Variants in LNPK observed in about 807,000 individuals in gnomAD.
LNPK encodes endoplasmic reticulum junction formation protein lunapark.
A neutral mutation model predicts 55.2 loss-of-function variants in LNPK; 29 were observed. The ratio of observed to expected loss-of-function variants is 0.53; its 90% confidence interval spans 0.39 to 0.72. The LOEUF is 0.72. Ranked by LOEUF, LNPK falls within the 30% of genes least tolerant of loss-of-function variation. The probability of loss-of-function intolerance (pLI) is 0.00; values close to 1 mark genes in which losing one functional copy is unlikely to be tolerated. For synonymous variants in LNPK, 162 were observed against 168.2 expected (o/e 0.96, Z 0.29); for missense variants, 467 against 494.8 (o/e 0.94, Z 0.53).
intron 8 of LNPK, among the ~76,000 whole-genome samples, chr2:175,960,134 A>T (rs1037384039): frequency 6.6e-6 from 1 of 152,178 alleles, no homozygotes; most frequent in Non-Finnish European, 1.5e-5. Context: ...CCCACTGTCA[A>T]TATTAGACAG....
chr2:175,938,701 T>G (rs62186998), intron 10 of LNPK: 12,794 of 171,454 alleles, frequency 0.075, 512 homozygotes, highest in South Asian at 0.1. Flanking sequence ...TTTCCCAGAG[T>G]ATAGTGCTGG....
chr2:175,984,181 C>T (rs1203213485), intron 4 of LNPK, among the ~76,000 whole-genome samples: 2 of 146,368 alleles, frequency 1.4e-5, no homozygotes, highest in African/African-American at 5.0e-5. Flanking sequence ...CAACAAAGAA[C>T]TTTTTTTTTT....
intron 8 of LNPK, among the ~76,000 whole-genome samples, chr2:175,953,564 C>T (rs560822421): frequency 2.6e-5 from 4 of 152,108 alleles, no homozygotes; most frequent in Admixed American, 2.0e-4. Flanking sequence ...TTCCTCCCAC[C>T]CCCAACCCCT....
At chr2:175,977,562 G>A (rs1686967250) in intron 5 of LNPK, among the ~76,000 whole-genome samples, 1 of 152,142 alleles carries the variant, frequency 6.6e-6, no homozygotes. Context: ...TTCAGAAAAA[G>A]AGTGAATAAC....
chr2:175,982,795 T>C (rs1687233126), intron 4 of LNPK, among the ~76,000 whole-genome samples: 1 of 152,206 alleles, frequency 6.6e-6, no homozygotes, highest in South Asian at 2.1e-4. Flanking sequence ...TAATTAAAAA[T>C]AATGTATTAA....
In LNPK at chr2:175,929,439, A is replaced by T; in HGVS notation, c.*528T>A. On this transcript the variant is annotated 3_prime_UTR_variant, in exon 13 of 13. Transcript: ENST00000272748. ...CACTGCATTCTTATTGAGAATTCGT[A>T]CCAGTGCCTATGTGGTAACAACTTT... 1.0e-6 allele frequency: 1 copy of T among 986,250 alleles called. No individual in the cohort carries two copies. The highest frequency in any genetic ancestry group is 1.2e-6 in the Non-Finnish European group (1 of 830,242). The allele number at this position is 986,250 out of a possible 1,614,324, so 61.1% of individuals were successfully genotyped here. A position where few individuals can be genotyped will look rare whatever the true frequency, so the allele number is the denominator to read the frequency against.
intron 6 of LNPK, 53 bp downstream of exon 6, chr2:175,970,711 A>G: frequency 2.1e-6 from 2 of 973,232 alleles, no homozygotes; most frequent in East Asian, 3.5e-5. Context: ...AACATTAATT[A>G]TTCAGTTCTT....
At chr2:175,967,951 C>T (rs553234343) in intron 6 of LNPK, among the ~76,000 whole-genome samples, 3 of 152,280 alleles carry the variant, frequency 2.0e-5, no homozygotes, top group African/African-American at 7.2e-5. Flanking sequence ...GCTTCCAAAA[C>T]TTATTTCATG....
At chr2:175,966,300 G>C (rs1288797186) in intron 6 of LNPK, among the ~76,000 whole-genome samples, 1 of 152,220 alleles carries the variant, frequency 6.6e-6, no homozygotes, top group East Asian at 1.9e-4. Context: ...TTGGCCTCAA[G>C]TGATCCACAT....
At chr2:175,958,575 T>G (rs1685819933) in intron 8 of LNPK, among the ~76,000 whole-genome samples, 1 of 152,144 alleles carries the variant, frequency 6.6e-6, no homozygotes, top group Non-Finnish European at 1.5e-5. Flanking sequence ...GTCACCATCA[T>G]CAAATACCAA....
intron 8 of LNPK, among the ~76,000 whole-genome samples, chr2:175,957,604 A>G (rs550917603): frequency 6.6e-6 from 1 of 152,168 alleles, no homozygotes; most frequent in South Asian, 2.1e-4. Context: ...AGATGCCCGA[A>G]TAGGAACAGC....
chr2:175,977,881 C>T (rs1686986225), intron 5 of LNPK, among the ~76,000 whole-genome samples: 1 of 151,824 alleles, frequency 6.6e-6, no homozygotes, highest in Non-Finnish European at 1.5e-5. Flanking sequence ...GAATTATATG[C>T]CAATAGGAAT....
At chr2:175,951,605 A>ATATATATATATATATATATCTATATC (rs1441190050) in intron 8 of LNPK, among the ~76,000 whole-genome samples, 5 of 129,720 alleles carry the variant, frequency 3.9e-5, no homozygotes, top group African/African-American at 1.5e-4. Context: ...ATATATATAT[A>ATATATATATATATATATATCTATATC]TATATCTCAG....
chr2:175,979,019 TA>T (rs1213825507), intron 5 of LNPK, among the ~76,000 whole-genome samples: 2 of 152,124 alleles, frequency 1.3e-5, no homozygotes, highest in Admixed American at 6.5e-5. Flanking sequence ...GTCAAACAAA[TA>T]AAATTTTTTT....
At chr2:175,989,531 C>T (rs941840595) in intron 4 of LNPK, among the ~76,000 whole-genome samples, 3 of 151,994 alleles carry the variant, frequency 2.0e-5, no homozygotes, top group Non-Finnish European at 4.4e-5. Flanking sequence ...TTAGTTAAAG[C>T]ATTAGTTAAC....
At chr2:175,996,095 G>T (rs1687922386) in intron 1 of LNPK, among the ~76,000 whole-genome samples, 1 of 152,054 alleles carries the variant, frequency 6.6e-6, no homozygotes, top group Admixed American at 6.5e-5. Context: ...TTATAGGCGT[G>T]AGCCATCGCA....
At chr2:175,935,460 C>G (rs753908152) in intron 12 of LNPK, among the ~76,000 whole-genome samples, 15 of 152,142 alleles carry the variant, frequency 9.9e-5, no homozygotes, top group Non-Finnish European at 2.2e-4. Flanking sequence ...TAGTTGTTTA[C>G]TAAAGGAAGC....
intron 12 of LNPK, among the ~76,000 whole-genome samples, chr2:175,936,653 A>G (rs1275314961): frequency 6.6e-6 from 1 of 152,162 alleles, no homozygotes; most frequent in Non-Finnish European, 1.5e-5. Context: ...AGCTGGCAAT[A>G]GTCTAATCTT....
chr2:175,997,705 C>T (rs866673745), intron 1 of LNPK, among the ~76,000 whole-genome samples: 7 of 144,028 alleles, frequency 4.9e-5, no homozygotes, highest in African/African-American at 1.6e-4. Flanking sequence ...AACAAATGCT[C>T]TGTGTGTGTG....
Sources: allele counts gnomAD v4.1 joint callset (sites outside exome capture counted in the v4.1 genomes callset), GRCh38; gene constraint gnomAD v4.1.1; transcripts MANE v1.5; gene names NCBI Gene and HGNC (gene_info 2026-07-23, HGNC 2026-07-21).